The following INPP4B variants were observed in gnomAD, a reference collection of about 807,000 sequenced individuals.
The protein encoded by INPP4B is inositol polyphosphate 4-phosphatase type II.
In INPP4B, 55 loss-of-function variants were observed where a neutral mutation model predicts 122.5. The ratio of observed to expected loss-of-function variants is 0.45; its 90% CI spans 0.36 to 0.56. The LOEUF is 0.56. Ranked by LOEUF, INPP4B falls within the 20% of genes least tolerant of loss-of-function variation. The probability of loss-of-function intolerance (pLI) is 0.00; values close to 1 mark genes in which losing one functional copy is unlikely to be tolerated. For missense variants in INPP4B, 1,000 were observed against 1,097.7 expected, an observed-to-expected ratio of 0.91 and a Z score of 1.26; for synonymous variants, 403 against 388.7, an observed-to-expected ratio of 1.04 and a Z score of -0.43.
At chr4:142,395,281 G>A (rs1187380449) in intron 7 of INPP4B, among the ~76,000 whole-genome samples, 1 of 152,176 alleles carries the variant, frequency 6.6e-6, no homozygotes, top group Non-Finnish European at 1.5e-5. Context: ...AAATGCAAAT[G>A]TATGGATAGT....
chr4:142,321,884 T>A (rs1351073243), intron 7 of INPP4B, among the ~76,000 whole-genome samples: 1 of 152,192 alleles, frequency 6.6e-6, no homozygotes, highest in East Asian at 1.9e-4. Flanking sequence ...GCCTCCAGAT[T>A]TGTTCTAATG....
At chr4:142,248,157 G>A (rs1729889851) in intron 11 of INPP4B, among the ~76,000 whole-genome samples, 1 of 151,994 alleles carries the variant, frequency 6.6e-6, no homozygotes, top group Non-Finnish European at 1.5e-5. Flanking sequence ...CCCAAGATCA[G>A]GTTAGCTCTG....
chr4:142,078,136 C>A (rs1039263463), intron 25 of INPP4B, among the ~76,000 whole-genome samples: 1 of 151,428 alleles, frequency 6.6e-6, no homozygotes. Context: ...AGATGGTACC[C>A]GAAAGCCCCA....
intron 7 of INPP4B, among the ~76,000 whole-genome samples, chr4:142,394,815 A>G (rs908944231): frequency 6.6e-6 from 1 of 152,060 alleles, no homozygotes; most frequent in African/African-American, 2.4e-5. Context: ...CTTTGATGCA[A>G]TCTCATTTGT....
Position 142,522,371 on chromosome 4 carries a change from A to G in INPP4B, c.-190-59645T>C, listed in dbSNP as rs142040974. 2.4e-4 allele frequency among the ~76,000 whole-genome samples: 27 copies of G among 112,086 alleles called. 1 individual carries two copies. The highest frequency in any genetic ancestry group is 3.8e-4 in the Non-Finnish European group (23 of 60,096). 73.5% of individuals were successfully genotyped at this position (112,086 alleles called of 152,430 possible). The stretch of plus-strand genomic sequence containing the variant: ...CCACCCCGAGACATGAGATTTCCCT[A>G]TGTTGCCCAGGCTGGAGTGAAGTGG... On this transcript the variant is annotated intron_variant, in intron 2 of 25. Coordinates refer to ENST00000262992, the MANE Select transcript of INPP4B (RefSeq NM_001101669.3).
At chr4:142,843,243 C>T (rs1783780117) in intron 1 of INPP4B, among the ~76,000 whole-genome samples, 1 of 151,486 alleles carries the variant, frequency 6.6e-6, no homozygotes, top group Non-Finnish European at 1.5e-5. Context: ...CACTTGGATT[C>T]ATCTAAAAAT....
chr4:142,353,674 T>A (rs1223062741), intron 7 of INPP4B, among the ~76,000 whole-genome samples: 1 of 152,070 alleles, frequency 6.6e-6, no homozygotes, highest in Non-Finnish European at 1.5e-5. Context: ...CTTATGTCCA[T>A]GTCCTTGAAG....
chr4:142,353,541 T>A (rs951503178), intron 7 of INPP4B, among the ~76,000 whole-genome samples: 3 of 152,030 alleles, frequency 2.0e-5, no homozygotes, highest in African/African-American at 4.8e-5. Flanking sequence ...TCAGACTAAA[T>A]CTCTGCCCTG....
In INPP4B at chr4:142,306,769, G is replaced by A. The variant is rs3775695; in HGVS notation, c.424-1232C>T. Among the ~76,000 whole-genome samples, 754 of 152,264 alleles carry A rather than the reference G, an allele frequency of 5.0e-3. 36 individuals carry two copies. The East Asian group carries it at 0.12, about 24-fold the overall frequency. The stretch of plus-strand genomic sequence containing the variant: ...TCATGCCTATAATCCCAGTGACCCT[G>A]GAGGCTGAGGCAGGAGGACTGCTTG... On this transcript the variant is annotated intron_variant, in intron 8 of 25. Coordinates refer to ENST00000262992, the MANE Select transcript of INPP4B (RefSeq NM_001101669.3).
chr4:142,141,640 T>C (rs1486750681), intron 18 of INPP4B, among the ~76,000 whole-genome samples: 3 of 152,118 alleles, frequency 2.0e-5, no homozygotes, highest in South Asian at 4.1e-4. Flanking sequence ...AAGCCAAAGA[T>C]ATACTGTAAA....
chr4:142,493,971 A>T (rs1259597346), intron 2 of INPP4B, among the ~76,000 whole-genome samples: 4 of 152,152 alleles, frequency 2.6e-5, no homozygotes, highest in Admixed American at 2.6e-4. Context: ...AGATAATCGA[A>T]TCATAGGGGT....
intron 12 of INPP4B, among the ~76,000 whole-genome samples, chr4:142,223,239 G>A (rs1372138694): frequency 1.3e-5 from 2 of 151,822 alleles, no homozygotes; most frequent in African/African-American, 4.8e-5. Context: ...ATAGTCATAA[G>A]TGCTAGACTC....
intron 1 of INPP4B, among the ~76,000 whole-genome samples, chr4:142,804,978 G>T (rs1188990812): frequency 1.3e-5 from 2 of 151,994 alleles, no homozygotes; most frequent in East Asian, 3.9e-4. Flanking sequence ...AATTCGAAGA[G>T]GGCAGGACTC....
intron 25 of INPP4B, among the ~76,000 whole-genome samples, chr4:142,034,514 C>T (rs559813235): frequency 1.3e-5 from 2 of 152,128 alleles, no homozygotes; most frequent in East Asian, 1.9e-4. Context: ...CTATTACTCA[C>T]GCAACCCCCA....
intron 7 of INPP4B, among the ~76,000 whole-genome samples, chr4:142,374,339 T>G (rs1791041302): frequency 6.6e-6 from 1 of 151,934 alleles, no homozygotes; most frequent in South Asian, 2.1e-4. Flanking sequence ...GCATTTTGTA[T>G]GCTATAATTT....
chr4:142,392,044 A>G (rs1171603431), intron 7 of INPP4B, among the ~76,000 whole-genome samples: 5 of 152,204 alleles, frequency 3.3e-5, no homozygotes, highest in Admixed American at 1.3e-4. Flanking sequence ...TTCACAATCT[A>G]GAACCCAAAG....
intron 2 of INPP4B, among the ~76,000 whole-genome samples, chr4:142,515,619 G>A (rs1042692422): frequency 6.6e-5 from 10 of 152,164 alleles, no homozygotes; most frequent in Non-Finnish European, 1.0e-4. Context: ...CCTAGCCCCC[G>A]GCCATTGGAG....
At chr4:142,328,519 G>A (rs558044395) in intron 7 of INPP4B, among the ~76,000 whole-genome samples, 31 of 152,204 alleles carry the variant, frequency 2.0e-4, no homozygotes, top group South Asian at 1.0e-3. Flanking sequence ...TAAAAGACAC[G>A]AGATATCACA....
At chr4:142,364,095 G>GT (rs1786521019) in intron 7 of INPP4B, among the ~76,000 whole-genome samples, 1 of 151,924 alleles carries the variant, frequency 6.6e-6, no homozygotes, top group South Asian at 2.1e-4. Flanking sequence ...TCTCTCTCTG[G>GT]TATTTCTGTG....
Sources: gnomAD v4.1 joint callset for allele counts (sites outside exome capture counted in the v4.1 genomes callset) on GRCh38, gnomAD v4.1.1 for gene constraint, MANE v1.5 for transcripts, NCBI Gene and HGNC (gene_info 2026-07-23, HGNC 2026-07-21) for gene names.